INPP5B: variants seen among roughly 807,000 people sequenced by gnomAD.
INPP5B encodes type II inositol 1,4,5-trisphosphate 5-phosphatase.
Under a neutral mutation model 118.5 loss-of-function variants are expected in INPP5B, and 90 were observed. The ratio of observed to expected loss-of-function variants is 0.76; its 90% CI spans 0.64 to 0.90. The LOEUF (loss-of-function observed/expected upper bound fraction) is 0.90, where lower values mean the gene tolerates loss of function less well. Ranked by LOEUF, INPP5B falls within the 40% of genes least tolerant of loss-of-function variation. The pLI is 0.00. For synonymous variants in INPP5B, 385 were observed against 418.9 expected (o/e 0.92, Z 0.99); for missense variants, 984 against 1,125.6 (o/e 0.87, Z 1.80).
intron 16 of INPP5B, among the ~76,000 whole-genome samples, chr1:37,876,283 TTG>T: frequency 6.6e-6 from 1 of 151,778 alleles, no homozygotes; most frequent in East Asian, 1.9e-4. Context: ...TTTTTACTTT[TTG>T]TAGAGATGAG....
chr1:37,895,543 C>T (rs35978921), intron 7 of INPP5B, among the ~76,000 whole-genome samples: 36,487 of 150,250 alleles, frequency 0.24, 5,115 homozygotes, highest in Non-Finnish European at 0.31. Context: ...TCTCTTTCCA[C>T]GGTCTCCCTC....
At chr1:37,941,484 G>A (rs1263795855) in intron 5 of INPP5B, among the ~76,000 whole-genome samples, 3 of 151,540 alleles carry the variant, frequency 2.0e-5, no homozygotes, top group African/African-American at 7.3e-5. Context: ...ACCACCCCCC[G>A]CCACCCAATC....
intron 6 of INPP5B, among the ~76,000 whole-genome samples, chr1:37,934,206 T>G (rs889884312): frequency 1.1e-4 from 17 of 152,286 alleles, no homozygotes; most frequent in Non-Finnish European, 2.5e-4. Flanking sequence ...GTGCTGGGAT[T>G]ACAGGTGTGA....
Position 37,875,159 on chromosome 1 carries a change from G to A in INPP5B, c.1788+447C>T, listed in dbSNP as rs546341856. ...CTAACACCATCAGCCTCACTTTATC[G>A]AAAAGCAGTCTATCAAGAAAGACCA... On this transcript the variant is annotated intron_variant, in intron 17 of 23. Transcript: ENST00000373024. Among the ~76,000 whole-genome samples, 8 of 152,248 alleles carry A rather than the reference G, an allele frequency of 5.3e-5. No homozygotes were observed. In the East Asian group the frequency reaches 1.2e-3, roughly 22 times the overall value.
rs1325602751 is a variant in INPP5B, at chr1:37,868,631, A to G, written c.2188-17T>C. The G allele has an allele frequency of 6.5e-7, 1 of 1,541,382 alleles. No homozygotes were observed. Among genetic ancestry groups the G allele is most frequent in the Non-Finnish European group, 9.0e-7 (1 of 1,114,018 alleles). On this transcript the variant is annotated splice_polypyrimidine_tract_variant and intron_variant, in intron 19 of 23. Coordinates refer to ENST00000373024, the MANE Select transcript of INPP5B (RefSeq NM_005540.3). ...CATCAGAGTCTGGAAAGCAATCAAG[A>G]TCATGACAGAACTTCTGCCAGGCTG...
At chr1:37,945,584 A>G (rs374347511) in intron 3 of INPP5B, among the ~76,000 whole-genome samples, 172 bp downstream of exon 3, 2 of 152,250 alleles carry the variant, frequency 1.3e-5, no homozygotes, top group East Asian at 3.8e-4. Flanking sequence ...ATTATGAGTT[A>G]GTACGTGTGC....
intron 23 of INPP5B, among the ~76,000 whole-genome samples, chr1:37,864,085 G>A (rs866567255): frequency 6.6e-6 from 1 of 151,990 alleles, no homozygotes; most frequent in Non-Finnish European, 1.5e-5. Context: ...AAAGTGCTAG[G>A]ACTACAGGTG....
chr1:37,870,902 C>T (rs1642372824), intron 19 of INPP5B, among the ~76,000 whole-genome samples: 1 of 152,220 alleles, frequency 6.6e-6, no homozygotes, highest in African/African-American at 2.4e-5. Context: ...TGCCTGTAAT[C>T]CCAACACTTG....
intron 16 of INPP5B, among the ~76,000 whole-genome samples, chr1:37,877,346 G>GA (rs796297629): frequency 1.7e-3 from 178 of 105,034 alleles, no homozygotes; most frequent in Non-Finnish European, 1.8e-3. Context: ...CATCTCAACA[G>GA]AAAAAAAAAA....
At chr1:37,906,779 G>A (rs748276605) in intron 7 of INPP5B, among the ~76,000 whole-genome samples, 4 of 150,710 alleles carry the variant, frequency 2.7e-5, no homozygotes, top group African/African-American at 4.9e-5. Flanking sequence ...AGGATTGCCT[G>A]AACCCAGCAG....
At chr1:37,883,657 C>T in intron 13 of INPP5B, 5 of 985,422 alleles carry the variant, frequency 5.1e-6, no homozygotes, top group Non-Finnish European at 6.0e-6. Context: ...ACATAAGCTG[C>T]GACCTCACAA....
At chr1:37,934,694 TAC>T (rs938031476) in intron 6 of INPP5B, among the ~76,000 whole-genome samples, 7 of 152,202 alleles carry the variant, frequency 4.6e-5, no homozygotes, top group African/African-American at 1.7e-4. Context: ...AGTTGGTTGG[TAC>T]AGAGTTTCTC....
chr1:37,926,930 G>A (rs1291355250), intron 7 of INPP5B, among the ~76,000 whole-genome samples: 2 of 151,858 alleles, frequency 1.3e-5, no homozygotes, highest in East Asian at 3.9e-4. Context: ...GCTGCAAAAG[G>A]AAGTTAACAG....
chr1:37,921,078 A>G (rs1015766935), intron 7 of INPP5B, among the ~76,000 whole-genome samples: 2 of 152,268 alleles, frequency 1.3e-5, no homozygotes, highest in African/African-American at 4.8e-5. Flanking sequence ...TGCACTCCAG[A>G]CTGGGTGACA....
chr1:37,929,006 G>A (rs2148656779), intron 7 of INPP5B: 1 of 152,248 alleles, frequency 6.6e-6, no homozygotes, highest in South Asian at 2.1e-4. Context: ...AAACAGAGAT[G>A]ACCCAAACAG....
intron 7 of INPP5B, among the ~76,000 whole-genome samples, chr1:37,920,664 CA>C (rs34604031): frequency 6.5e-4 from 75 of 116,212 alleles, no homozygotes; most frequent in Admixed American, 7.9e-4. Context: ...GACTCTGTCT[CA>C]AAAAAAAAAA....
intron 7 of INPP5B, among the ~76,000 whole-genome samples, chr1:37,926,263 C>T (rs969497633): frequency 6.6e-6 from 1 of 151,818 alleles, no homozygotes. Context: ...AACACATCCC[C>T]TTGTAAATTT....
intron 7 of INPP5B, among the ~76,000 whole-genome samples, chr1:37,896,960 C>A (rs1490030174): frequency 8.2e-6 from 1 of 121,718 alleles, no homozygotes; most frequent in Non-Finnish European, 1.9e-5. Flanking sequence ...GCCCGGCCAG[C>A]CGCCCCGTCC....
At chr1:37,896,763 C>G (rs182445103) in intron 7 of INPP5B, among the ~76,000 whole-genome samples, 54,577 of 90,676 alleles carry the variant, frequency 0.6, 18,721 homozygotes, top group Non-Finnish European at 0.73. Flanking sequence ...CGCCCCGTCC[C>G]GGAGGGAGGG....
Sources: gnomAD v4.1 joint callset for allele counts (sites outside exome capture counted in the v4.1 genomes callset) on GRCh38, gnomAD v4.1.1 for gene constraint, MANE v1.5 for transcripts, NCBI Gene and HGNC (gene_info 2026-07-23, HGNC 2026-07-21) for gene names.